The following PDE9A variants were observed in gnomAD, a reference collection of about 807,000 sequenced individuals.
The protein encoded by PDE9A is high affinity cGMP-specific 3',5'-cyclic phosphodiesterase 9A.
Under a neutral mutation model 87.4 loss-of-function variants are expected in PDE9A, and 60 were observed. The observed-to-expected ratio is 0.69, with a 90% CI of 0.56 to 0.85. The LOEUF is 0.85. Ranked by LOEUF, PDE9A falls within the 40% of genes least tolerant of loss-of-function variation. PDE9A has a pLI of 0.00. For synonymous variants in PDE9A, 272 were observed against 279.4 expected (o/e 0.97, Z 0.27); for missense variants, 665 against 779.0 (o/e 0.85, Z 1.74).
intron 3 of PDE9A, chr21:42,697,526 A>T: frequency 7.9e-7 from 1 of 1,265,872 alleles, no homozygotes. Context: ...TCTTCTTAAC[A>T]ACTACCTGAC....
chr21:42,667,779 C>G (rs1437251546), intron 1 of PDE9A, among the ~76,000 whole-genome samples: 2 of 152,148 alleles, frequency 1.3e-5, no homozygotes, highest in Admixed American at 6.5e-5. Context: ...CTCCCGACCC[C>G]CTGCTGTTTG....
intron 6 of PDE9A, among the ~76,000 whole-genome samples, chr21:42,732,512 C>T (rs1177166727): frequency 6.6e-6 from 1 of 152,222 alleles, no homozygotes; most frequent in Non-Finnish European, 1.5e-5. Context: ...TCCCAACAAT[C>T]CTGACCTGGA....
At position 42,759,788 on chromosome 21, in the gene PDE9A, GGT is replaced by G. The variant is rs1290525203; in HGVS notation, c.898-534_898-533del. On this transcript the variant is annotated intron_variant, in intron 11 of 19. Coordinates refer to ENST00000291539, the MANE Select transcript of PDE9A (RefSeq NM_002606.3). The surrounding 1 kb of genome is among the most constrained non-coding windows in gnomAD (Gnocchi z 7.2). ...GTGCATGTGTGTATCTGGATGTGGG[GGT>G]GTGTGAGGGTGGATGTGTGCATGTG... Among the ~76,000 whole-genome samples the G allele has an allele frequency of 1.4e-5, 2 of 147,840 alleles. No homozygotes were observed. The highest frequency in any genetic ancestry group is 2.0e-4 in the East Asian group (1 of 4,976).
intron 4 of PDE9A, among the ~76,000 whole-genome samples, chr21:42,707,226 C>T (rs2048917573): frequency 6.6e-6 from 1 of 152,202 alleles, no homozygotes; most frequent in Non-Finnish European, 1.5e-5. Flanking sequence ...GAGAGAAGTG[C>T]TGAAAGTTCA....
intron 1 of PDE9A, among the ~76,000 whole-genome samples, chr21:42,672,139 G>A (rs2145984364): frequency 6.6e-6 from 1 of 152,358 alleles, no homozygotes; most frequent in South Asian, 2.1e-4. Context: ...TTCTGAGTAT[G>A]CAATCAGAAA....
chr21:42,764,180 C>T (rs1054836153), intron 14 of PDE9A, among the ~76,000 whole-genome samples: 1 of 152,242 alleles, frequency 6.6e-6, no homozygotes, highest in Non-Finnish European at 1.5e-5. Context: ...TCGGCGCTGA[C>T]ATACGGCGGC....
chr21:42,661,854 A>G (rs918258627), intron 1 of PDE9A, among the ~76,000 whole-genome samples: 1 of 152,156 alleles, frequency 6.6e-6, no homozygotes, highest in Non-Finnish European at 1.5e-5. Context: ...ACAGCCTGTG[A>G]TGCGTCGCAG....
intron 1 of PDE9A, among the ~76,000 whole-genome samples, chr21:42,677,736 G>A (rs995502240): frequency 5.3e-5 from 8 of 152,014 alleles, no homozygotes; most frequent in African/African-American, 7.3e-5. Context: ...TCCACATCCC[G>A]GGTTCAAGTG....
chr21:42,680,434 C>G (rs2059107400), intron 1 of PDE9A, among the ~76,000 whole-genome samples: 1 of 152,236 alleles, frequency 6.6e-6, no homozygotes. Flanking sequence ...CACTGTGACC[C>G]TGGGTCCCCC....
chr21:42,669,201 G>A (rs539853507), intron 1 of PDE9A, among the ~76,000 whole-genome samples: 1 of 152,110 alleles, frequency 6.6e-6, no homozygotes, highest in East Asian at 1.9e-4. Flanking sequence ...AATCTGAATC[G>A]CTGGGCTGAA....
intron 7 of PDE9A, among the ~76,000 whole-genome samples, chr21:42,736,962 C>T (rs372276887): frequency 2.0e-5 from 3 of 152,234 alleles, no homozygotes; most frequent in African/African-American, 7.2e-5. Context: ...TCCAGAGACA[C>T]TACAAGGGCA....
At chr21:42,700,987 C>G (rs1040808602) in intron 4 of PDE9A, 1 of 152,002 alleles carries the variant, frequency 6.6e-6, no homozygotes, top group Non-Finnish European at 1.5e-5. Context: ...CTATGAATTG[C>G]TTCCAAAAAA....
At chr21:42,658,055 C>T (rs973874572) in intron 1 of PDE9A, among the ~76,000 whole-genome samples, 2 of 152,242 alleles carry the variant, frequency 1.3e-5, no homozygotes, top group South Asian at 2.1e-4. Flanking sequence ...ACCGTGGCTA[C>T]GCCACACCTA....
In PDE9A at chr21:42,754,002, C is replaced by G. The variant is rs765408372; in HGVS notation, c.748C>G (p.Pro250Ala). The change falls in exon 10 of 20, where the codon CCA becomes GCA. Residue 250 changes from proline (P) to alanine (A), a missense_variant. Pro to Ala is a conservative substitution (Grantham distance 27). Coordinates refer to ENST00000291539, the MANE Select transcript of PDE9A (RefSeq NM_002606.3). ...VPTYPKYLLS[P>A]ETIEALRKPT... ...CTGTCCTTTCTAGTACCTGCTCTCT[C>G]CAGAGACCATCGAGGCCCTGCGGAA... The G allele has an allele frequency of 5.0e-6, 8 of 1,611,922 alleles. No individual in the cohort carries two copies. In the South Asian group the frequency reaches 8.8e-5, roughly 18 times the overall value.
chr21:42,727,489 ATTTTTTT>A lies in PDE9A; in HGVS notation c.263-4263_263-4257del, dbSNP rs58515760. On this transcript the variant is annotated intron_variant, in intron 4 of 19. Coordinates refer to ENST00000291539, the MANE Select transcript of PDE9A (RefSeq NM_002606.3). Reference sequence around the variant, plus strand: ...CAGGCACATGCCACCACGCCTGGCTATTTTTTTTTTTTTTTTTTTTTTTTGTAGAGAT... The same window carrying A: ...CAGGCACATGCCACCACGCCTGGCTATTTTTTTTTTTTTTTTTGTAGAGAT... Among the ~76,000 whole-genome samples, 772 of 88,330 alleles carry A rather than the reference ATTTTTTT, an allele frequency of 8.7e-3. 9 individuals are homozygous for A. Among genetic ancestry groups the A allele is most frequent in the African/African-American group, 0.037 (726 of 19,712 alleles). 57.9% of individuals were successfully genotyped at this position (88,330 alleles called of 152,430 possible). A position where few individuals can be genotyped will look rare whatever the true frequency, so the allele number is the denominator to read the frequency against.
intron 1 of PDE9A, among the ~76,000 whole-genome samples, chr21:42,680,033 G>A (rs2146088602): frequency 6.6e-6 from 1 of 152,328 alleles, no homozygotes; most frequent in African/African-American, 2.4e-5. Context: ...AAATCCCCAG[G>A]ACCTGGGGTG....
At chr21:42,708,568 T>A (rs2044114778) in intron 4 of PDE9A, among the ~76,000 whole-genome samples, 1 of 152,174 alleles carries the variant, frequency 6.6e-6, no homozygotes, top group Non-Finnish European at 1.5e-5. Flanking sequence ...TTGTTGTTTT[T>A]GTTTTTGAGG....
intron 1 of PDE9A, among the ~76,000 whole-genome samples, chr21:42,678,594 G>T (rs991821120): frequency 1.3e-5 from 2 of 152,202 alleles, no homozygotes; most frequent in African/African-American, 4.8e-5. Context: ...CTGGACATTG[G>T]AATCAGCCTT....
chr21:42,701,478 C>G (rs2048378986), intron 4 of PDE9A, among the ~76,000 whole-genome samples: 1 of 151,654 alleles, frequency 6.6e-6, no homozygotes, highest in South Asian at 2.1e-4. Flanking sequence ...TGTCTGTTGC[C>G]CAGGCTGGAG....
Sources: allele counts gnomAD v4.1 joint callset (sites outside exome capture counted in the v4.1 genomes callset), GRCh38; gene constraint gnomAD v4.1.1; non-coding constraint Gnocchi (gnomAD v3.1); transcripts MANE v1.5; gene names NCBI Gene and HGNC (gene_info 2026-07-23, HGNC 2026-07-21).